ENOX1: variants seen among roughly 807,000 people sequenced by gnomAD.
ENOX1 encodes candidate growth-related and time keeping constitutive hydroquinone (NADH) oxidase.
A neutral mutation model predicts 82.5 loss-of-function variants in ENOX1; 42 were observed. The ratio of observed to expected loss-of-function variants is 0.51; its 90% CI spans 0.40 to 0.66. The LOEUF is 0.66. Ranked by LOEUF, ENOX1 falls within the 30% of genes least tolerant of loss-of-function variation. The probability of loss-of-function intolerance (pLI) is 0.00; values close to 1 mark genes in which losing one functional copy is unlikely to be tolerated. For missense variants in ENOX1, 608 were observed against 811.6 expected (o/e 0.75, Z 3.05); for synonymous variants, 271 against 282.2 (o/e 0.96, Z 0.40).
intron 3 of ENOX1, among the ~76,000 whole-genome samples, chr13:43,476,354 C>T (rs1222220715): frequency 6.6e-6 from 1 of 151,926 alleles, no homozygotes; most frequent in Non-Finnish European, 1.5e-5. Context: ...ACATCTGGAA[C>T]CTTTAACAAC....
intron 1 of ENOX1, among the ~76,000 whole-genome samples, chr13:43,717,838 C>A (rs1167745497): frequency 6.6e-6 from 1 of 152,090 alleles, no homozygotes; most frequent in Non-Finnish European, 1.5e-5. Context: ...CAGTGAGATA[C>A]CATCCCATAC....
chr13:43,742,435 C>T (rs1049060877), intron 1 of ENOX1, among the ~76,000 whole-genome samples: 2 of 151,878 alleles, frequency 1.3e-5, no homozygotes, highest in African/African-American at 2.4e-5. Flanking sequence ...CAGAGAGAGA[C>T]AGTGTGTGTG....
intron 5 of ENOX1, among the ~76,000 whole-genome samples, chr13:43,364,437 G>C (rs576586673): frequency 6.6e-6 from 1 of 152,136 alleles, no homozygotes; most frequent in Non-Finnish European, 1.5e-5. Flanking sequence ...ATCACAGACC[G>C]TGGCCCTGTC....
chr13:43,779,386 T>A (rs1316370079), intron 1 of ENOX1, among the ~76,000 whole-genome samples: 1 of 152,128 alleles, frequency 6.6e-6, no homozygotes, highest in African/African-American at 2.4e-5. Flanking sequence ...GATGCTAGCA[T>A]GTTACCCAAC....
intron 2 of ENOX1, among the ~76,000 whole-genome samples, chr13:43,488,058 C>T (rs964561818): frequency 6.6e-6 from 1 of 152,198 alleles, no homozygotes. Flanking sequence ...CAGACCCATA[C>T]AATATTGTAC....
intron 3 of ENOX1, among the ~76,000 whole-genome samples, chr13:43,467,958 G>A (rs1325852543): frequency 7.0e-6 from 1 of 143,802 alleles, no homozygotes; most frequent in Non-Finnish European, 1.5e-5. Context: ...GAACCCTTTT[G>A]AAAATCAACT....
At chr13:43,755,461 C>T (rs1484535184) in intron 1 of ENOX1, among the ~76,000 whole-genome samples, 1 of 152,106 alleles carries the variant, frequency 6.6e-6, no homozygotes, top group Admixed American at 6.5e-5. Flanking sequence ...AGCTCTAACA[C>T]CTCTCACTCC....
At chr13:43,641,529 A>ATTTTTTTTTTTTTTTTTTTTTTT (rs769737189) in intron 2 of ENOX1, among the ~76,000 whole-genome samples, 1 of 83,094 alleles carries the variant, frequency 1.2e-5, no homozygotes, top group Non-Finnish European at 2.1e-5. Context: ...TTAATTTTTA[A>ATTTTTTTTTTTTTTTTTTTTTTT]TTTTTTTTTT....
At chr13:43,748,410 T>C (rs765329107) in intron 1 of ENOX1, among the ~76,000 whole-genome samples, 7 of 152,214 alleles carry the variant, frequency 4.6e-5, no homozygotes, top group Non-Finnish European at 8.8e-5. Flanking sequence ...CATTCTGATA[T>C]GTAGGAATTA....
At chr13:43,287,119 T>C (rs76492340) in intron 12 of ENOX1, among the ~76,000 whole-genome samples, 2,148 of 152,224 alleles carry the variant, frequency 0.014, 54 homozygotes, top group African/African-American at 0.049. Flanking sequence ...TAGGTCTCAG[T>C]TTCCTACTTG....
At chr13:43,613,232 T>C (rs1222734462) in intron 2 of ENOX1, among the ~76,000 whole-genome samples, 1 of 152,176 alleles carries the variant, frequency 6.6e-6, no homozygotes, top group Non-Finnish European at 1.5e-5. Context: ...AGTCAGAAAT[T>C]GGTTCCCAAA....
At chr13:43,343,904 C>A (rs1008131277) in intron 9 of ENOX1, among the ~76,000 whole-genome samples, 1 of 151,888 alleles carries the variant, frequency 6.6e-6, no homozygotes, top group African/African-American at 2.4e-5. Context: ...TGGGTAATTA[C>A]CCTGACTATT....
intron 11 of ENOX1, among the ~76,000 whole-genome samples, chr13:43,302,226 T>TA: frequency 6.6e-6 from 1 of 151,918 alleles, no homozygotes. Flanking sequence ...TTTCCGATAA[T>TA]AAAAAAAGAA....
At chr13:43,611,848 C>A (rs781623817) in intron 2 of ENOX1, among the ~76,000 whole-genome samples, 1 of 152,168 alleles carries the variant, frequency 6.6e-6, no homozygotes, top group Non-Finnish European at 1.5e-5. Flanking sequence ...TGGCATGGTA[C>A]CTTGCTCTTT....
At chr13:43,235,466 C>T (rs966415704) in intron 15 of ENOX1, among the ~76,000 whole-genome samples, 18 of 152,174 alleles carry the variant, frequency 1.2e-4, no homozygotes, top group Non-Finnish European at 1.9e-4. Context: ...GGCGCGGTGG[C>T]TCATGCCTGT....
chr13:43,524,573 T>C (rs1241999665), intron 2 of ENOX1, among the ~76,000 whole-genome samples: 1 of 152,094 alleles, frequency 6.6e-6, no homozygotes. Flanking sequence ...CTTGCTCAGC[T>C]CACTCTGCTC....
At chr13:43,709,224 A>G (rs979749052) in intron 1 of ENOX1, among the ~76,000 whole-genome samples, 2 of 152,118 alleles carry the variant, frequency 1.3e-5, no homozygotes, top group African/African-American at 4.8e-5. Context: ...TGCAATTAAA[A>G]CCACAAATAT....
intron 1 of ENOX1, among the ~76,000 whole-genome samples, chr13:43,708,173 T>C (rs111416485): frequency 1.3e-3 from 196 of 152,322 alleles, no homozygotes; most frequent in African/African-American, 4.4e-3. Context: ...AACTGGTATA[T>C]GACCTTGCTC....
chr13:43,625,459 T>C (rs905823963), intron 2 of ENOX1, among the ~76,000 whole-genome samples: 3 of 152,124 alleles, frequency 2.0e-5, no homozygotes, highest in Non-Finnish European at 4.4e-5. Flanking sequence ...AACTAAAATG[T>C]TATTTCTAGG....
Sources: allele counts gnomAD v4.1 joint callset (sites outside exome capture counted in the v4.1 genomes callset), GRCh38; gene constraint gnomAD v4.1.1; transcripts MANE v1.5; gene names NCBI Gene and HGNC (gene_info 2026-07-23, HGNC 2026-07-21).